The following ZNF717 variants were observed in gnomAD, a reference collection of about 807,000 sequenced individuals.
ZNF717 encodes krueppel-like factor X17.
A neutral mutation model predicts 13.8 loss-of-function variants in ZNF717; 9 were observed. The observed-to-expected ratio is 0.65, with a 90% CI of 0.39 to 1.14. ZNF717 has a LOEUF of 1.14. Ranked by LOEUF, ZNF717 falls within the 50% of genes most tolerant of loss-of-function variation. The pLI, the probability that ZNF717 is intolerant of heterozygous loss-of-function variation, is 0.01. For synonymous variants in ZNF717, 327 were observed against 364.1 expected, an observed-to-expected ratio of 0.90 and a Z score of 1.16; for missense variants, 1,040 against 1,080.7, an observed-to-expected ratio of 0.96 and a Z score of 0.53.
At chr3:75,753,205 GA>G (rs1942077232) in intron 2 of ZNF717, among the ~76,000 whole-genome samples, 1 of 151,906 alleles carries the variant, frequency 6.6e-6, no homozygotes, top group South Asian at 2.1e-4. Flanking sequence ...GCGAGTGTCT[GA>G]ATGTTTGTCC....
At chr3:75,775,851 CAAAA>C (rs56879372) in intron 2 of ZNF717, among the ~76,000 whole-genome samples, 193 of 79,666 alleles carry the variant, frequency 2.4e-3, no homozygotes, top group Middle Eastern at 6.0e-3. Context: ...GACTCTGTCT[CAAAA>C]AAAAAAAAAA....
intron 2 of ZNF717, among the ~76,000 whole-genome samples, chr3:75,754,572 G>A (rs1372739790): frequency 2.0e-5 from 3 of 152,144 alleles, no homozygotes; most frequent in Admixed American, 6.5e-5. Flanking sequence ...AATAACTGAA[G>A]AATACCTCTG....
At chr3:75,764,778 CTT>C (rs1943299313) in intron 2 of ZNF717, among the ~76,000 whole-genome samples, 3 of 151,960 alleles carry the variant, frequency 2.0e-5, no homozygotes, top group Non-Finnish European at 4.4e-5. Context: ...AACTGAAACC[CTT>C]GTACACTGTT....
chr3:75,772,184 T>G (rs111925514), intron 2 of ZNF717, among the ~76,000 whole-genome samples: 6 of 151,596 alleles, frequency 4.0e-5, no homozygotes, highest in African/African-American at 1.5e-4. Context: ...TGGGATGACC[T>G]GACTGCAGAA....
In ZNF717 at chr3:75,739,289, A is replaced by T; in HGVS notation, c.334T>A (p.Phe112Ile). Residue 112 changes from phenylalanine (F) to isoleucine (I), a missense_variant, in exon 5 of 5, where the codon TTC becomes ATC. Transcript: ENST00000652011. The part of the protein sequence containing the change: ...ERSHESHDRF[F>I]WQIVITNSNT... ...CTGTTGGTGATTACAATTTGCCAGA[A>T]AAATCTATCATGACTTTCATGGCTC... 6.6e-7 allele frequency: 1 copy of T among 1,514,310 alleles called. No individual in the cohort carries two copies. Among genetic ancestry groups the T allele is most frequent in the Non-Finnish European group, 8.8e-7 (1 of 1,131,048 alleles). The allele number at this position is 1,514,310 out of a possible 1,614,324, so 93.8% of individuals were successfully genotyped here.
intron 2 of ZNF717, among the ~76,000 whole-genome samples, chr3:75,772,706 T>A (rs567252675): frequency 9.2e-4 from 140 of 152,326 alleles, no homozygotes; most frequent in African/African-American, 3.0e-3. Context: ...TGTACCCAGC[T>A]CGCCCTTGGC....
At chr3:75,703,825 C>A (rs1937744988) in intron 6 of ZNF717, among the ~76,000 whole-genome samples, 2 of 152,300 alleles carry the variant, frequency 1.3e-5, no homozygotes, top group Admixed American at 1.3e-4. Flanking sequence ...ACAAACATGA[C>A]CAGAATACTC....
downstream of ZNF717, among the ~76,000 whole-genome samples, chr3:75,707,096 TG>T (rs1261013275): frequency 1.3e-5 from 2 of 152,302 alleles, no homozygotes; most frequent in African/African-American, 4.8e-5. Context: ...CTGCCTGAAG[TG>T]TTGTCTCAAG....
Position 75,777,613 on chromosome 3 carries a change from G to C in ZNF717, c.57+5693C>G, listed in dbSNP as rs1161886884. ...AAACCCAAAACAATGGGAGTGATTT[G>C]CTAAAACCGGAACCCAAAAAAATGG... On this transcript the variant is annotated intron_variant, in intron 2 of 4. Coordinates refer to ENST00000652011, the MANE Select transcript of ZNF717 (RefSeq NM_001290208.3). 2.0e-5 allele frequency among the ~76,000 whole-genome samples: 3 copies of C among 151,566 alleles called. No individual in the cohort carries two copies. In the South Asian group the frequency reaches 6.3e-4, roughly 32 times the overall value.
chr3:75,784,380 GTTT>G (rs924325191), intron 1 of ZNF717, among the ~76,000 whole-genome samples: 1 of 152,160 alleles, frequency 6.6e-6, no homozygotes, highest in Non-Finnish European at 1.5e-5. Context: ...AATTCAATAT[GTTT>G]TTAACAAAAT....
chr3:75,774,637 CT>C (rs1944167421), intron 2 of ZNF717, among the ~76,000 whole-genome samples: 1 of 13,314 alleles, frequency 7.5e-5, no homozygotes, highest in Admixed American at 6.0e-4. Context: ...TTTTTTTTTT[CT>C]GAGACAGAGT....
chr3:75,765,186 T>A (rs111570449), intron 2 of ZNF717, among the ~76,000 whole-genome samples: 8,127 of 64,670 alleles, frequency 0.13, no homozygotes, highest in Non-Finnish European at 0.18. Flanking sequence ...GCCAAATTTT[T>A]AGAAACACAA....
At chr3:75,716,847 G>A (rs1390892287) in intron 4 of ZNF717, among the ~76,000 whole-genome samples, 1 of 152,192 alleles carries the variant, frequency 6.6e-6, no homozygotes, top group Non-Finnish European at 1.5e-5. Flanking sequence ...TTCATTCACA[G>A]AGAGGATTCC....
Position 75,737,239 on chromosome 3 carries a change from A to G in ZNF717, c.2384T>C (p.Phe795Ser). The change falls in exon 5 of 5, where the codon TTT becomes TCT. Residue 795 changes from phenylalanine (F) to serine (S), a missense_variant. Phe to Ser is a radical substitution (Grantham distance 155). Transcript: ENST00000652011. The part of the protein sequence containing the change: ...PYECDECRKT[F>S]YDKTVLTIHQ... ...TATGGTGAGAACTGTCTTATCGTAA[A>G]AAGTTTTCCTACATTCATCACATTC... is the stretch of plus-strand genomic sequence containing the variant. 1.3e-6 allele frequency: 2 copies of G among 1,552,920 alleles called. No individual in the cohort carries two copies. The highest frequency in any genetic ancestry group is 1.7e-6 in the Non-Finnish European group (2 of 1,147,822).
chr3:75,759,279 T>A (rs1942766391), intron 2 of ZNF717, among the ~76,000 whole-genome samples: 1 of 76,358 alleles, frequency 1.3e-5, no homozygotes, highest in Non-Finnish European at 2.7e-5. Context: ...GGTCATCTAA[T>A]TTTTTTTTTT....
chr3:75,720,317 G>T (rs75157552), intron 4 of ZNF717, among the ~76,000 whole-genome samples: 1 of 152,182 alleles, frequency 6.6e-6, no homozygotes, highest in Non-Finnish European at 1.5e-5. Flanking sequence ...AAAAAAGAAT[G>T]AAATAATGTT....
intron 2 of ZNF717, among the ~76,000 whole-genome samples, chr3:75,783,053 T>G (rs1038593589): frequency 6.6e-6 from 1 of 152,254 alleles, no homozygotes; most frequent in Non-Finnish European, 1.5e-5. Context: ...GCGGGTTCCA[T>G]TCCAATCACG....
chr3:75,767,447 G>C (rs76506997), intron 2 of ZNF717, among the ~76,000 whole-genome samples: 1 of 151,758 alleles, frequency 6.6e-6, no homozygotes, highest in African/African-American at 2.4e-5. Flanking sequence ...AACAGAATAT[G>C]GCAGCTGGAA....
downstream of ZNF717, among the ~76,000 whole-genome samples, chr3:75,705,755 A>C (rs1937792020): frequency 6.6e-6 from 1 of 152,312 alleles, no homozygotes; most frequent in Non-Finnish European, 1.5e-5. Context: ...TAATAGGGAC[A>C]CTGTATAGGT....
Sources: gnomAD v4.1 joint callset for allele counts (sites outside exome capture counted in the v4.1 genomes callset) on GRCh38, gnomAD v4.1.1 for gene constraint, MANE v1.5 for transcripts, NCBI Gene and HGNC (gene_info 2026-07-23, HGNC 2026-07-21) for gene names.